Variants in ACOX2 observed in about 807,000 individuals in gnomAD.
ACOX2 encodes acyl-CoA oxidase 2, also known as peroxisomal acyl-coenzyme A oxidase 2.
In ACOX2, 59 loss-of-function variants were observed where a neutral mutation model predicts 77.5. The ratio of observed to expected loss-of-function variants is 0.76; its 90% CI spans 0.62 to 0.95. The LOEUF (loss-of-function observed/expected upper bound fraction) is 0.95. ACOX2 is among the 40% of genes least tolerant of loss of function. The probability of loss-of-function intolerance (pLI) is 0.00; values close to 1 mark genes in which losing one functional copy is unlikely to be tolerated. For synonymous variants in ACOX2, 317 were observed against 340.1 expected (o/e 0.93, Z 0.75); for missense variants, 837 against 880.4 (o/e 0.95, Z 0.62).
At chr3:58,527,333 C>A (rs532609956) in intron 9 of ACOX2, among the ~76,000 whole-genome samples, 1 of 151,886 alleles carries the variant, frequency 6.6e-6, no homozygotes, top group South Asian at 2.1e-4. Context: ...GTCAGGAGAT[C>A]GAGGCCATCC....
At chr3:58,507,235 A>G (rs958609832) in intron 14 of ACOX2, among the ~76,000 whole-genome samples, 3 of 152,170 alleles carry the variant, frequency 2.0e-5, no homozygotes, top group Non-Finnish European at 2.9e-5. Context: ...TATTCCATAG[A>G]CGTGGAGTGT....
Position 58,505,314 on chromosome 3 carries a change from A to G in ACOX2, c.1984-28T>C. On this transcript the variant is annotated intron_variant, in intron 14 of 14. Transcript: ENST00000302819. This position sits in a 1 kb window ranked among gnomAD's most constrained non-coding sequence, Gnocchi z 4.4. Reference sequence around the variant, plus strand: ...GTTTGTAGAAAGAAACGCATTATTAACACAGTACATTTCTGCCAGGATTAA... The same window carrying G: ...GTTTGTAGAAAGAAACGCATTATTAGCACAGTACATTTCTGCCAGGATTAA... The G allele has an allele frequency of 6.4e-7, 1 of 1,573,602 alleles. No individual in the cohort carries two copies. The highest frequency in any genetic ancestry group is 1.7e-5 in the Admixed American group (1 of 57,396).
At position 58,505,273 on chromosome 3, in the gene ACOX2, T is replaced by C; in HGVS notation, c.1997A>G (p.Tyr666Cys). Residue 666 changes from tyrosine to cysteine, a missense_variant, in exon 15 of 15, where the codon TAT (tyrosine) becomes TGT (cysteine). By Grantham distance (194) the Tyr-to-Cys change is radical. Transcript: ENST00000302819. The surrounding 1 kb of genome is among the most constrained non-coding windows in gnomAD (Gnocchi z 4.4). ...SPTNTQENPA[Y>C]EEYIRPLLQS... ...TAAAAGTGGTCTTATATATTCCTCA[T>C]AGGCAGGGTTCTCCTGTTTGTAGAA... The C allele has an allele frequency of 6.2e-7, 1 of 1,612,804 alleles. No homozygotes were observed. Among genetic ancestry groups the C allele is most frequent in the Non-Finnish European group, 8.5e-7 (1 of 1,179,448 alleles).
intron 12 of ACOX2, among the ~76,000 whole-genome samples, chr3:58,518,385 G>T (rs1378315342): frequency 6.6e-6 from 1 of 152,146 alleles, no homozygotes; most frequent in Non-Finnish European, 1.5e-5. Flanking sequence ...CCTTCCCGAA[G>T]ACCCCCTCCT....
rs1232820560 is a variant in ACOX2 at position 58,523,194 on chromosome 3, T to C, written c.1527-593A>G. 1.3e-5 allele frequency among the ~76,000 whole-genome samples: 2 copies of C among 152,202 alleles called. No homozygotes were observed. Among genetic ancestry groups the C allele is most frequent in the African/African-American group, 4.8e-5 (2 of 41,438 alleles). On this transcript the variant is annotated intron_variant, in intron 11 of 14. Transcript: ENST00000302819. This position sits in a 1 kb window ranked among gnomAD's most constrained non-coding sequence, Gnocchi z 5.3. ...CCCATCCATCCATGACCCTTAGAAT[T>C]TGTGTGTAAAGCAAACTGTTTATTA...
intron 13 of ACOX2, among the ~76,000 whole-genome samples, chr3:58,516,772 G>A (rs2063324129): frequency 6.6e-6 from 1 of 152,142 alleles, no homozygotes; most frequent in African/African-American, 2.4e-5. Flanking sequence ...CAGAGGCAGA[G>A]GTTGCAATGA....
chr3:58,518,535 G>T (rs138330955), intron 12 of ACOX2, among the ~76,000 whole-genome samples: 24 of 152,298 alleles, frequency 1.6e-4, no homozygotes, highest in African/African-American at 5.5e-4. Flanking sequence ...TGAACAGTCC[G>T]CATCTCGTCA....
Position 58,514,012 on chromosome 3 carries a change from G to A in ACOX2, c.1850+3194C>T, listed in dbSNP as rs2063305110. ...TGGGAAAAAAGGTCTGGGGGAGGGA[G>A]GTGTCAGTATTTGGCCTATAAAGAA... On this transcript the variant is annotated intron_variant, in intron 13 of 14. Transcript: ENST00000302819. The surrounding 1 kb of genome is among the most constrained non-coding windows in gnomAD (Gnocchi z 4.3). Among the ~76,000 whole-genome samples, 1 of 152,104 alleles carries A rather than the reference G, an allele frequency of 6.6e-6. No homozygotes were observed. The highest frequency in any genetic ancestry group is 2.4e-5 in the African/African-American group (1 of 41,408).
chr3:58,524,432 G>A lies in ACOX2; in HGVS notation c.1520C>T (p.Ala507Val). The change falls in exon 11 of 15, where the codon GCA becomes GTA. Residue 507 changes from alanine to valine, a missense_variant. By Grantham distance (64) the Ala-to-Val change is moderately conservative (BLOSUM62 0). Transcript: ENST00000302819. The surrounding 1 kb of genome is among the most constrained non-coding windows in gnomAD (Gnocchi z 5.5). ...ELYTTAWAHV[A>V]VRLIKDSVQH... The stretch of plus-strand genomic sequence containing the variant: ...TTTCTCAGCACTGGCTTACCTTACT[G>A]CCACATGTGCCCAGGCCGTGGTGTA... The A allele has an allele frequency of 6.2e-7, 1 of 1,612,914 alleles. No homozygotes were observed. The highest frequency in any genetic ancestry group is 8.5e-7 in the Non-Finnish European group (1 of 1,178,998).
chr3:58,513,430 CT>C (rs964423872), intron 13 of ACOX2, among the ~76,000 whole-genome samples: 5 of 151,870 alleles, frequency 3.3e-5, no homozygotes, highest in African/African-American at 9.7e-5. Flanking sequence ...AAAAGTCCTC[CT>C]TTTTTTTGTC....
intron 13 of ACOX2, chr3:58,511,547 C>T (rs993303078): frequency 1.1e-4 from 19 of 178,330 alleles, no homozygotes; most frequent in Non-Finnish European, 1.9e-4. Flanking sequence ...GCAATCACCT[C>T]ATGCCCACAA....
Position 58,528,331 on chromosome 3 carries a change from G to A in ACOX2, c.1155+463C>T, listed in dbSNP as rs1408827917. Among the ~76,000 whole-genome samples the A allele has an allele frequency of 6.6e-6, 1 of 152,212 alleles. No individual in the cohort carries two copies. The highest frequency in any genetic ancestry group is 2.4e-5 in the African/African-American group (1 of 41,438). ...GAATCAGAGTAACTTTTGGATTATA[G>A]AGAGGCCAAGTGGCATTTAAAGTGC... On this transcript the variant is annotated intron_variant, in intron 9 of 14. Transcript: ENST00000302819. The surrounding 1 kb of genome is among the most constrained non-coding windows in gnomAD (Gnocchi z 5.6).
chr3:58,520,807 G>C (rs752991766), intron 12 of ACOX2, among the ~76,000 whole-genome samples: 8 of 152,148 alleles, frequency 5.3e-5, no homozygotes, highest in Non-Finnish European at 1.2e-4. Flanking sequence ...AGGCTGGCTG[G>C]CTGTCACCCT....
rs2063317448 is a variant in ACOX2, at chr3:58,515,652, G to A, written c.1850+1554C>T. Among the ~76,000 whole-genome samples, 1 of 152,120 alleles carries A rather than the reference G, an allele frequency of 6.6e-6. No individual in the cohort carries two copies. Among genetic ancestry groups the A allele is most frequent in the Non-Finnish European group, 1.5e-5 (1 of 68,026 alleles). On this transcript the variant is annotated intron_variant, in intron 13 of 14. Coordinates refer to ENST00000302819, the MANE Select transcript of ACOX2 (RefSeq NM_003500.4). This position sits in a 1 kb window ranked among gnomAD's most constrained non-coding sequence, Gnocchi z 4.0. ...ATAAGAATTGTTGGAGATTCTAGGAGTCGCCTCTAACCCCATGCAATAGGT... is the reference window on the plus strand; with the variant it reads ...ATAAGAATTGTTGGAGATTCTAGGAATCGCCTCTAACCCCATGCAATAGGT...
chr3:58,529,684 A>C (rs1470279975), intron 8 of ACOX2, among the ~76,000 whole-genome samples: 1 of 152,226 alleles, frequency 6.6e-6, no homozygotes, highest in African/African-American at 2.4e-5. Context: ...CTTGCAGCCC[A>C]GATTCTGAAG....
In ACOX2 at chr3:58,510,649, A is replaced by AT. The variant is rs1560209640; in HGVS notation, c.1851-1625_1851-1624insA. Among the ~76,000 whole-genome samples, 27 of 38,348 alleles carry AT rather than the reference A, an allele frequency of 7.0e-4. 3 individuals are homozygous for AT. The highest frequency in any genetic ancestry group is 3.8e-3 in the Admixed American group (9 of 2,392). The allele number at this position is 38,348 out of a possible 152,430, so 25.2% of individuals were successfully genotyped here. ...CTCCCGCTCAAAAAAAAAAAAAAAA[A>AT]AAAAAAAAAAAAAAATATATATATA... On this transcript the variant is annotated intron_variant, in intron 13 of 14. Coordinates refer to ENST00000302819, the MANE Select transcript of ACOX2 (RefSeq NM_003500.4).
In ACOX2 at chr3:58,535,247, G is replaced by T; in HGVS notation, c.-91-50C>A. The stretch of plus-strand genomic sequence containing the variant: ...GGCTGGGTGTCAGCCAGGGCTGGTT[G>T]GTAGAAGAAAGACATCCCTAAGTAC... On this transcript the variant is annotated intron_variant, in intron 1 of 14. Coordinates refer to ENST00000302819, the MANE Select transcript of ACOX2 (RefSeq NM_003500.4). This position sits in a 1 kb window ranked among gnomAD's most constrained non-coding sequence, Gnocchi z 4.8. The T allele has an allele frequency of 1.9e-6, 2 of 1,076,318 alleles. No homozygotes were observed. Among genetic ancestry groups the T allele is most frequent in the Non-Finnish European group, 2.7e-6 (2 of 732,534 alleles). 66.7% of individuals were successfully genotyped at this position (1,076,318 alleles called of 1,614,324 possible).
At position 58,531,841 on chromosome 3, in the gene ACOX2, A is replaced by G; in HGVS notation, c.584-29T>C. ...AGGGCAGAGAGAGTAGCGGCCCGTC[A>G]CAGGAAGACCTGTGCATTGCTTTTC... On this transcript the variant is annotated intron_variant, in intron 5 of 14. Coordinates refer to ENST00000302819, the MANE Select transcript of ACOX2 (RefSeq NM_003500.4). The surrounding 1 kb of genome is among the most constrained non-coding windows in gnomAD (Gnocchi z 5.8). 6 of 1,604,398 alleles carry G rather than the reference A, an allele frequency of 3.7e-6. No homozygotes were observed. Among genetic ancestry groups the G allele is most frequent in the Non-Finnish European group, 5.1e-6 (6 of 1,175,872 alleles).
rs746691288 is a variant in ACOX2, at chr3:58,534,039, T to C, written c.430A>G (p.Asn144Asp). Residue 144 changes from asparagine (N) to aspartate (D), a missense_variant, in exon 4 of 15, where the codon AAC (asparagine) becomes GAC (aspartate). Transcript: ENST00000302819. This position sits in a 1 kb window ranked among gnomAD's most constrained non-coding sequence, Gnocchi z 4.8. The stretch of plus-strand genomic sequence containing the variant: ...GCATACGTTGCGATGATCTGGATGT[T>C]TTTGCAGAGTGGGTCCCATTTGGCA... ...QIAKWDPLCK[N>D]IQIIATYAQT... 5 of 1,614,050 alleles carry C rather than the reference T, an allele frequency of 3.1e-6. No homozygotes were observed. Among genetic ancestry groups the C allele is most frequent in the Non-Finnish European group, 4.2e-6 (5 of 1,180,034 alleles).
Sources: allele counts gnomAD v4.1 joint callset (sites outside exome capture counted in the v4.1 genomes callset), GRCh38; gene constraint gnomAD v4.1.1; non-coding constraint Gnocchi (gnomAD v3.1); transcripts MANE v1.5; gene names NCBI Gene and HGNC (gene_info 2026-07-23, HGNC 2026-07-21).